SBF2: variants seen among roughly 807,000 people sequenced by gnomAD.
SBF2 encodes SET binding factor 2.
Under a neutral mutation model 225.2 loss-of-function variants are expected in SBF2, and 112 were observed. That is an observed-to-expected ratio of 0.50 (90% CI 0.43 to 0.58). The LOEUF is 0.58. SBF2 is among the 20% of genes least tolerant of loss of function. The pLI is 0.00. For missense variants in SBF2, 1,996 were observed against 2,206.2 expected (o/e 0.90, Z 1.91); for synonymous variants, 763 against 773.3 (o/e 0.99, Z 0.22).
intron 2 of SBF2, among the ~76,000 whole-genome samples, chr11:10,094,667 T>C (rs534691685): frequency 1.2e-4 from 18 of 151,680 alleles, no homozygotes; most frequent in African/African-American, 4.3e-4. Context: ...GACGCCTGGC[T>C]AATTTTGTAT....
rs71034757 is a variant in SBF2, at chr11:10,254,900, CAAAAAAAAAAAAAAAAAAA to C, written c.55+39096_55+39114del. 2.0e-3 allele frequency among the ~76,000 whole-genome samples: 89 copies of C among 44,080 alleles called. 3 individuals are homozygous for C. Among genetic ancestry groups the C allele is most frequent in the South Asian group, 0.014 (11 of 808 alleles). The allele number at this position is 44,080 out of a possible 152,430, so 28.9% of individuals were successfully genotyped here. ...TGGGTGACAGAGTGAGACTCTGTCT[CAAAAAAAAAAAAAAAAAAA>C]AAAAAAAAAAAAAAAAAAAATCCTA... is the stretch of plus-strand genomic sequence containing the variant. On this transcript the variant is annotated intron_variant, in intron 1 of 39. Transcript: ENST00000256190.
chr11:9,829,821 T>C (rs1855281456), intron 27 of SBF2, among the ~76,000 whole-genome samples: 1 of 152,224 alleles, frequency 6.6e-6, no homozygotes, highest in Non-Finnish European at 1.5e-5. Flanking sequence ...AGCTTCTCAT[T>C]ATCCAAGCAA....
intron 26 of SBF2, among the ~76,000 whole-genome samples, chr11:9,837,877 A>G (rs1344245938): frequency 2.0e-5 from 3 of 152,060 alleles, no homozygotes; most frequent in Non-Finnish European, 4.4e-5. Context: ...AGCTGGGACT[A>G]CAGGCACAAG....
chr11:9,809,152 C>T, intron 30 of SBF2, 150 bp from the exon 31 acceptor site: 1 of 619,950 alleles, frequency 1.6e-6, no homozygotes, highest in Non-Finnish European at 3.0e-6. Flanking sequence ...ACCTAAAGTT[C>T]TTTCAAATCA....
intron 2 of SBF2, among the ~76,000 whole-genome samples, chr11:10,182,486 G>A (rs1239003524): frequency 6.6e-6 from 1 of 152,070 alleles, no homozygotes; most frequent in African/African-American, 2.4e-5. Context: ...AATATCTCAA[G>A]TTGGCTACCA....
At chr11:10,228,387 C>T (rs1345496510) in intron 1 of SBF2, among the ~76,000 whole-genome samples, 4 of 152,298 alleles carry the variant, frequency 2.6e-5, no homozygotes, top group African/African-American at 9.6e-5. Flanking sequence ...AGAGGGCATC[C>T]CTGTCTTGTG....
At chr11:10,187,633 A>T (rs931228920) in intron 2 of SBF2, among the ~76,000 whole-genome samples, 1 of 151,872 alleles carries the variant, frequency 6.6e-6, no homozygotes, top group African/African-American at 2.4e-5. Flanking sequence ...ACTCTTGTTA[A>T]TTGAACTCTA....
At chr11:10,235,031 AG>A (rs1959007893) in intron 1 of SBF2, among the ~76,000 whole-genome samples, 1 of 152,216 alleles carries the variant, frequency 6.6e-6, no homozygotes, top group African/African-American at 2.4e-5. Context: ...CCAAGGAAGG[AG>A]AAACAGGTGT....
At chr11:10,144,018 C>T (rs1216762349) in intron 2 of SBF2, among the ~76,000 whole-genome samples, 2 of 152,162 alleles carry the variant, frequency 1.3e-5, no homozygotes, top group African/African-American at 4.8e-5. Flanking sequence ...TGTGCCCGGC[C>T]CAACAACTGA....
chr11:9,993,617 T>C (rs768711041), intron 10 of SBF2, among the ~76,000 whole-genome samples: 4 of 152,238 alleles, frequency 2.6e-5, no homozygotes, highest in Non-Finnish European at 4.4e-5. Context: ...GCCATTTCAA[T>C]TTGATGCTTG....
intron 32 of SBF2, among the ~76,000 whole-genome samples, chr11:9,807,578 G>A (rs1355698852): frequency 2.0e-5 from 3 of 152,178 alleles, no homozygotes; most frequent in Non-Finnish European, 4.4e-5. Flanking sequence ...CTGTCTGGCT[G>A]GGCCCTGATT....
intron 24 of SBF2, among the ~76,000 whole-genome samples, chr11:9,844,799 T>A (rs1364659497): frequency 6.6e-6 from 1 of 152,158 alleles, no homozygotes; most frequent in East Asian, 1.9e-4. Context: ...ATGCAGGGTT[T>A]AAAACCTAGA....
chr11:9,790,701 C>T lies in SBF2; in HGVS notation c.4571-18G>A. ...TAAAGTTCCTGTAGATTAAAAAAATCCAACAAAACAAAATTAAATAAATTC... is the reference window on the plus strand; with the variant it reads ...TAAAGTTCCTGTAGATTAAAAAAATTCAACAAAACAAAATTAAATAAATTC... On this transcript the variant is annotated intron_variant, in intron 33 of 39. Coordinates refer to ENST00000256190, the MANE Select transcript of SBF2 (RefSeq NM_030962.4). 5 of 1,541,086 alleles carry T rather than the reference C, an allele frequency of 3.2e-6. No individual in the cohort carries two copies. Among genetic ancestry groups the T allele is most frequent in the Non-Finnish European group, 4.5e-6 (5 of 1,120,182 alleles).
intron 13 of SBF2, among the ~76,000 whole-genome samples, chr11:9,986,356 A>G (rs1301655833): frequency 6.6e-6 from 1 of 152,188 alleles, no homozygotes; most frequent in Non-Finnish European, 1.5e-5. Flanking sequence ...AGACAATCTA[A>G]GGTCATACCT....
chr11:10,012,652 G>C (rs767902769), intron 6 of SBF2, among the ~76,000 whole-genome samples: 9 of 152,042 alleles, frequency 5.9e-5, no homozygotes, highest in Non-Finnish European at 1.2e-4. Context: ...CTCAAAGTCA[G>C]TTAATACTAT....
chr11:10,106,612 G>A (rs1952566239), intron 2 of SBF2, among the ~76,000 whole-genome samples: 3 of 138,284 alleles, frequency 2.2e-5, no homozygotes, highest in African/African-American at 2.7e-5. Context: ...CTGGGTGACA[G>A]AGCAAGACTC....
At chr11:10,242,030 T>G (rs971071320) in intron 1 of SBF2, among the ~76,000 whole-genome samples, 13 of 151,426 alleles carry the variant, frequency 8.6e-5, no homozygotes, top group African/African-American at 2.7e-4. Flanking sequence ...CTAACATGCC[T>G]GCCCACAGAC....
At chr11:10,079,270 A>C (rs559929812) in intron 2 of SBF2, among the ~76,000 whole-genome samples, 3 of 152,212 alleles carry the variant, frequency 2.0e-5, no homozygotes, top group Non-Finnish European at 4.4e-5. Flanking sequence ...AATGCAAAGA[A>C]ATTAGAAAAT....
chr11:10,105,727 T>A (rs1392773735), intron 2 of SBF2, among the ~76,000 whole-genome samples: 1 of 152,222 alleles, frequency 6.6e-6, no homozygotes, highest in Non-Finnish European at 1.5e-5. Flanking sequence ...CTAACCTGTA[T>A]CGATCAGCCA....
Sources: allele counts gnomAD v4.1 joint callset (sites outside exome capture counted in the v4.1 genomes callset), GRCh38; gene constraint gnomAD v4.1.1; transcripts MANE v1.5; gene names NCBI Gene and HGNC (gene_info 2026-07-23, HGNC 2026-07-21).